PGLYRP3: variants seen among roughly 807,000 people sequenced by gnomAD.
PGLYRP3 encodes the protein peptidoglycan recognition protein I alpha.
A neutral mutation model predicts 36.0 loss-of-function variants in PGLYRP3; 39 were observed. The ratio of observed to expected loss-of-function variants is 1.08; its 90% CI spans 0.84 to 1.41. The LOEUF is 1.41. PGLYRP3 is among the 40% of genes most tolerant of loss of function. The probability of loss-of-function intolerance (pLI) is 0.00; values close to 1 mark genes in which losing one functional copy is unlikely to be tolerated. For synonymous variants in PGLYRP3, 204 were observed against 172.8 expected, an observed-to-expected ratio of 1.18 and a Z score of -1.42; for missense variants, 407 against 427.9, an observed-to-expected ratio of 0.95 and a Z score of 0.43.
Position 153,297,958 on chromosome 1 carries a change from A to T in PGLYRP3, c.1024T>A (p.Ter342ArgextTer7). 3 of 1,613,786 alleles carry T rather than the reference A, an allele frequency of 1.9e-6. No homozygotes were observed. The highest frequency in any genetic ancestry group is 2.5e-6 in the Non-Finnish European group (3 of 1,179,826). ...IISTWPHFKH* is the reference protein window; with the variant it reads ...IISTWPHFKHR ...TCTCAAAGGGAGTGGGGCCTCCTTCAGTGCTTGAAATGAGGCCAGGTGCTG... is the reference window on the plus strand; with the variant it reads ...TCTCAAAGGGAGTGGGGCCTCCTTCTGTGCTTGAAATGAGGCCAGGTGCTG... Residue 342 changes from the stop codon to arginine (R), a stop_lost, in exon 8 of 8, where the codon TGA becomes AGA. Coordinates refer to ENST00000683862, the MANE Select transcript of PGLYRP3 (RefSeq NM_052891.3).
Position 153,305,030 on chromosome 1 carries a change from C to A in PGLYRP3, c.293G>T (p.Gly98Val), listed in dbSNP as rs1191132349. ...CAAGCCTTGGATGTTCCAGCCAACACCTTCATACACCCTGCCATCATCCCC... is the reference window on the plus strand; with the variant it reads ...CAAGCCTTGGATGTTCCAGCCAACAACTTCATACACCCTGCCATCATCCCC... ...LVGDDGRVYE[G>V]VGWNIQGLHT... The change falls in exon 4 of 8, where the codon GGT becomes GTT. Residue 98 changes from glycine (G) to valine (V), a missense_variant. Gly to Val is a moderately radical substitution (Grantham distance 109, BLOSUM62 -3). Transcript: ENST00000683862. 6.2e-7 allele frequency: 1 copy of A among 1,613,706 alleles called. No homozygotes were observed. Among genetic ancestry groups the A allele is most frequent in the Non-Finnish European group, 8.5e-7 (1 of 1,179,830 alleles).
intron 6 of PGLYRP3, 48 bp from the exon 7 acceptor site, chr1:153,299,279 T>C: frequency 7.4e-7 from 1 of 1,353,964 alleles, no homozygotes; most frequent in Non-Finnish European, 1.1e-6. Flanking sequence ...GGAAACAGAA[T>C]TTAAATACTT....
Position 153,299,182 on chromosome 1 carries a change from T to C in PGLYRP3, c.778A>G (p.Ile260Val). 1 of 1,614,070 alleles carries C rather than the reference T, an allele frequency of 6.2e-7. No individual in the cohort carries two copies. Among genetic ancestry groups the C allele is most frequent in the Non-Finnish European group, 8.5e-7 (1 of 1,180,022 alleles). The change falls in exon 7 of 8, where the codon ATC becomes GTC. Residue 260 changes from isoleucine (I) to valine (V), a missense_variant. By Grantham distance (29) the Ile-to-Val change is conservative. Transcript: ENST00000683862. ...AATCCATAAGTGTGAGAGCCTTGGATGTGCCATCCAACCCCTTCATACACG... is the reference window on the plus strand; with the variant it reads ...AATCCATAAGTGTGAGAGCCTTGGACGTGCCATCCAACCCCTTCATACACG... ...GGVYEGVGWHIQGSHTYGFND... is the reference protein window; with the variant it reads ...GGVYEGVGWHVQGSHTYGFND...
At chr1:153,310,558 C>A in intron 2 of PGLYRP3, 53 bp downstream of exon 2, 3 of 1,560,954 alleles carry the variant, frequency 1.9e-6, no homozygotes, top group South Asian at 2.2e-5. Flanking sequence ...AACTTGAGAA[C>A]GGTCTTCTCT....
rs145241259 is a variant in PGLYRP3 at position 153,307,140 on chromosome 1, G to T, written c.183C>A (p.Ser61Arg). The change falls in exon 3 of 8, where the codon AGC becomes AGA. Residue 61 changes from serine to arginine, a missense_variant. Transcript: ENST00000683862. ...ACCCCCGCAGCATCTGGCTGCAAAC[G>T]CTCTGCTGCTGGCACTGCATCCCTG... The part of the protein sequence containing the change: ...QLPGMQCQQQ[S>R]VCSQMLRGLQ... 1 of 1,612,770 alleles carries T rather than the reference G, an allele frequency of 6.2e-7. No individual in the cohort carries two copies. Among genetic ancestry groups the T allele is most frequent in the Non-Finnish European group, 8.5e-7 (1 of 1,179,434 alleles).
intron 5 of PGLYRP3, 91 bp downstream of exon 5, chr1:153,303,766 G>A: frequency 2.1e-6 from 3 of 1,411,248 alleles, no homozygotes; most frequent in South Asian, 1.5e-5. Context: ...GAATCCCATG[G>A]GGTCTAACAG....
chr1:153,304,922 A>C, intron 4 of PGLYRP3, 25 bp downstream of exon 4: 2 of 1,578,026 alleles, frequency 1.3e-6, no homozygotes, highest in South Asian at 1.1e-5. Context: ...TCTCCAGCAC[A>C]GGGTCCGCAG....
chr1:153,303,763 A>C, intron 5 of PGLYRP3, 94 bp downstream of exon 5: 1 of 1,405,594 alleles, frequency 7.1e-7, no homozygotes, highest in Non-Finnish European at 9.6e-7. Context: ...CCAGAATCCC[A>C]TGGGGTCTAA....
At chr1:153,309,670 C>CT (rs1659847842) in intron 2 of PGLYRP3, among the ~76,000 whole-genome samples, 4 of 152,134 alleles carry the variant, frequency 2.6e-5, no homozygotes, top group Non-Finnish European at 4.4e-5. Flanking sequence ...CTAAGCTGGG[C>CT]TGTGAAGGGG....
At chr1:153,307,356 G>A in intron 2 of PGLYRP3, 89 bp from the exon 3 acceptor site, 1 of 1,290,906 alleles carries the variant, frequency 7.7e-7, no homozygotes, top group Admixed American at 2.0e-5. Flanking sequence ...CTCATGCTCA[G>A]GCCCGACCTG....
chr1:153,307,110 C>G lies in PGLYRP3; in HGVS notation c.213G>C (p.Gln71His). Reference protein sequence around the residue: ...SVCSQMLRGLQSHSVYTIGWC... With the variant: ...SVCSQMLRGLHSHSVYTIGWC... The stretch of plus-strand genomic sequence containing the variant: ...AGCCTATGGTGTAGACGGAATGGGA[C>G]TGCAACCCCCGCAGCATCTGGCTGC... The change falls in exon 3 of 8, where the codon CAG (glutamine) becomes CAC (histidine). Residue 71 changes from glutamine to histidine, a missense_variant. By Grantham distance (24) the Gln-to-His change is conservative. Coordinates refer to ENST00000683862, the MANE Select transcript of PGLYRP3 (RefSeq NM_052891.3). 1 of 1,613,768 alleles carries G rather than the reference C, an allele frequency of 6.2e-7. No individual in the cohort carries two copies. The highest frequency in any genetic ancestry group is 8.5e-7 in the Non-Finnish European group (1 of 1,179,868).
intron 4 of PGLYRP3, 33 bp downstream of exon 4, chr1:153,304,914 T>G (rs1274562479): frequency 2.6e-6 from 4 of 1,556,646 alleles, no homozygotes; most frequent in Non-Finnish European, 2.6e-6. Context: ...TACACAACTC[T>G]CCAGCACAGG....
intron 6 of PGLYRP3, among the ~76,000 whole-genome samples, chr1:153,300,886 A>T (rs1314748258): frequency 3.3e-5 from 5 of 152,172 alleles, no homozygotes; most frequent in African/African-American, 1.2e-4. Flanking sequence ...TTACACTCTC[A>T]AATAAAATAC....
At chr1:153,310,790 TC>T (rs1659876544) in intron 1 of PGLYRP3, 84 bp from the exon 2 acceptor site, 2 of 843,934 alleles carry the variant, frequency 2.4e-6, no homozygotes, top group Non-Finnish European at 1.9e-6. Context: ...ACTGTCTGCC[TC>T]CCCTACCATC....
At chr1:153,303,799 C>A in intron 5 of PGLYRP3, 58 bp downstream of exon 5, 1 of 1,545,078 alleles carries the variant, frequency 6.5e-7, no homozygotes, top group Non-Finnish European at 8.8e-7. Flanking sequence ...CCAAACATGA[C>A]TCCAAACATG....
At chr1:153,301,694 C>T (rs1557808101) in intron 6 of PGLYRP3, among the ~76,000 whole-genome samples, 1 of 152,248 alleles carries the variant, frequency 6.6e-6, no homozygotes. Flanking sequence ...AAAAGCACAT[C>T]TACCTGAGAC....
At chr1:153,304,431 C>T (rs1380337610) in intron 4 of PGLYRP3, among the ~76,000 whole-genome samples, 3 of 152,202 alleles carry the variant, frequency 2.0e-5, no homozygotes, top group Non-Finnish European at 2.9e-5. Context: ...GAGAGAAATG[C>T]TGTTACCTAG....
At chr1:153,300,593 T>G (rs1398609185) in intron 6 of PGLYRP3, among the ~76,000 whole-genome samples, 1 of 152,182 alleles carries the variant, frequency 6.6e-6, no homozygotes, top group African/African-American at 2.4e-5. Flanking sequence ...GAAGGACTCT[T>G]ACGCACACAA....
At chr1:153,309,784 G>A (rs888597182) in intron 2 of PGLYRP3, among the ~76,000 whole-genome samples, 1 of 152,174 alleles carries the variant, frequency 6.6e-6, no homozygotes, top group South Asian at 2.1e-4. Context: ...GGCCAACACT[G>A]ACACCTGGCA....
Sources: allele counts gnomAD v4.1 joint callset (sites outside exome capture counted in the v4.1 genomes callset), GRCh38; gene constraint gnomAD v4.1.1; transcripts MANE v1.5; gene names NCBI Gene and HGNC (gene_info 2026-07-23, HGNC 2026-07-21).